Variants in ZNF385D observed in about 807,000 individuals in gnomAD.
The protein encoded by ZNF385D is zinc finger protein 659.
ZNF385D carries 15 observed loss-of-function variants against 35.8 expected under a neutral mutation model. The ratio of observed to expected loss-of-function variants is 0.42; its 90% CI spans 0.28 to 0.64. The LOEUF (loss-of-function observed/expected upper bound fraction) is 0.64, where lower values mean the gene tolerates loss of function less well. ZNF385D is among the 30% of genes least tolerant of loss of function. The pLI is 0.23. For synonymous variants in ZNF385D, 212 were observed against 186.8 expected, an observed-to-expected ratio of 1.13 and a Z score of -1.10; for missense variants, 474 against 494.6, an observed-to-expected ratio of 0.96 and a Z score of 0.39.
chr3:21,622,277 A>G (rs1014763019), intron 2 of ZNF385D, among the ~76,000 whole-genome samples: 11 of 152,158 alleles, frequency 7.2e-5, no homozygotes, highest in African/African-American at 2.7e-4. Context: ...CAGACTTTCA[A>G]TATCTTAAAT....
chr3:22,316,987 G>C (rs1457427098), intron 2 of ZNF385D, among the ~76,000 whole-genome samples: 1 of 152,006 alleles, frequency 6.6e-6, no homozygotes, highest in Non-Finnish European at 1.5e-5. Flanking sequence ...CAAAAGAAAT[G>C]CAATTGTCGG....
chr3:22,196,252 ATTC>A (rs1207900840), intron 2 of ZNF385D, among the ~76,000 whole-genome samples: 1 of 152,096 alleles, frequency 6.6e-6, no homozygotes, highest in Non-Finnish European at 1.5e-5. Context: ...GGTTTTGAGT[ATTC>A]TTATCTGCAT....
intron 2 of ZNF385D, among the ~76,000 whole-genome samples, chr3:22,343,138 G>C (rs1013784230): frequency 4.6e-5 from 7 of 152,170 alleles, no homozygotes; most frequent in African/African-American, 1.7e-4. Context: ...ACTTTTTAAA[G>C]TGTAGTTACT....
At chr3:22,142,022 A>G (rs1173627832) in intron 3 of ZNF385D, among the ~76,000 whole-genome samples, 1 of 152,206 alleles carries the variant, frequency 6.6e-6, no homozygotes, top group Non-Finnish European at 1.5e-5. Context: ...GACAGTTAGA[A>G]AGCATCATCA....
chr3:22,299,746 T>C (rs994984886), intron 2 of ZNF385D, among the ~76,000 whole-genome samples: 4 of 151,820 alleles, frequency 2.6e-5, no homozygotes, highest in African/African-American at 7.2e-5. Flanking sequence ...TTCTTAGGAA[T>C]AAATTTAACC....
intron 3 of ZNF385D, among the ~76,000 whole-genome samples, chr3:21,557,072 G>A (rs889731163): frequency 3.3e-5 from 5 of 152,178 alleles, no homozygotes; most frequent in Admixed American, 1.3e-4. Flanking sequence ...GTTGGGCTGA[G>A]ACAATTGGGT....
intron 2 of ZNF385D, among the ~76,000 whole-genome samples, chr3:22,329,726 T>C (rs758571734): frequency 6.6e-6 from 1 of 152,174 alleles, no homozygotes; most frequent in Non-Finnish European, 1.5e-5. Context: ...ACATGTAATT[T>C]TATGTTTTTG....
At chr3:21,518,129 A>C (rs1707692281) in intron 3 of ZNF385D, among the ~76,000 whole-genome samples, 1 of 152,154 alleles carries the variant, frequency 6.6e-6, no homozygotes, top group African/African-American at 2.4e-5. Context: ...CTTCTTGCTG[A>C]AGTCCAGGCT....
rs186438499 is a variant in ZNF385D at position 22,258,688 on chromosome 3, A to G, written c.107-89653T>C. On this transcript the variant is annotated intron_variant, in intron 2 of 5. Coordinates refer to the ZNF385D transcript ENST00000494108. ...CCAAGAGATTCTATTTATGTGGGTT[A>G]TATCTATTGCTATTTGCCACATCAG... Among the ~76,000 whole-genome samples the G allele has an allele frequency of 4.2e-3, 635 of 151,908 alleles. 3 individuals carry two copies. Among genetic ancestry groups the G allele is most frequent in the South Asian group, 0.041 (199 of 4,826 alleles).
chr3:21,813,313 C>T (rs1003302665), intron 3 of ZNF385D, among the ~76,000 whole-genome samples: 3 of 152,194 alleles, frequency 2.0e-5, no homozygotes, highest in African/African-American at 4.8e-5. Context: ...AACACAGCTC[C>T]TCGCCAGCAA....
intron 3 of ZNF385D, among the ~76,000 whole-genome samples, chr3:21,563,924 A>T (rs1415581348): frequency 2.6e-5 from 4 of 152,098 alleles, no homozygotes; most frequent in Admixed American, 6.6e-5. Context: ...AGTCCACCCT[A>T]GTCCTTAGAA....
At chr3:22,165,507 T>A (rs1706254032) in intron 3 of ZNF385D, among the ~76,000 whole-genome samples, 1 of 152,198 alleles carries the variant, frequency 6.6e-6, no homozygotes, top group Non-Finnish European at 1.5e-5. Flanking sequence ...AAAATATTTT[T>A]ATTTGTATTC....
At chr3:21,948,217 CCCT>C (rs1300268462) in intron 3 of ZNF385D, among the ~76,000 whole-genome samples, 1 of 151,526 alleles carries the variant, frequency 6.6e-6, no homozygotes. Flanking sequence ...TCATAAATGG[CCCT>C]CATTTTTTTT....
At chr3:21,846,145 G>C (rs1180310065) in intron 3 of ZNF385D, among the ~76,000 whole-genome samples, 1 of 152,020 alleles carries the variant, frequency 6.6e-6, no homozygotes, top group Non-Finnish European at 1.5e-5. Flanking sequence ...GCTGTGGAAA[G>C]ATGTCTTAGA....
At chr3:21,832,736 A>G (rs998569192) in intron 3 of ZNF385D, among the ~76,000 whole-genome samples, 2 of 152,172 alleles carry the variant, frequency 1.3e-5, no homozygotes, top group African/African-American at 4.8e-5. Context: ...CTGTTTCACA[A>G]GTGTGATCAT....
At chr3:22,086,067 C>T (rs1160798036) in intron 3 of ZNF385D, among the ~76,000 whole-genome samples, 1 of 152,150 alleles carries the variant, frequency 6.6e-6, no homozygotes, top group East Asian at 1.9e-4. Context: ...ATAATAAGAG[C>T]TATTTATGAC....
intron 1 of ZNF385D, among the ~76,000 whole-genome samples, chr3:21,748,033 A>G (rs2069863887): frequency 6.6e-6 from 1 of 152,136 alleles, no homozygotes; most frequent in South Asian, 2.1e-4. Flanking sequence ...TTTAACTCCA[A>G]ATGGTGAATG....
intron 3 of ZNF385D, among the ~76,000 whole-genome samples, chr3:22,040,119 C>G (rs1008328461): frequency 6.6e-6 from 1 of 152,162 alleles, no homozygotes; most frequent in Non-Finnish European, 1.5e-5. Flanking sequence ...CAACTGCTCC[C>G]TCCTCTCATT....
intron 3 of ZNF385D, among the ~76,000 whole-genome samples, chr3:21,949,335 C>T (rs192712758): frequency 6.6e-6 from 1 of 152,214 alleles, no homozygotes; most frequent in South Asian, 2.1e-4. Context: ...ATGCTTTCCA[C>T]TTGAGAACCT....
Sources: gnomAD v4.1 joint callset for allele counts (sites outside exome capture counted in the v4.1 genomes callset) on GRCh38, gnomAD v4.1.1 for gene constraint, MANE v1.5 for transcripts, NCBI Gene and HGNC (gene_info 2026-07-23, HGNC 2026-07-21) for gene names.